Variants in P4HA1 observed in about 807,000 individuals in gnomAD.
The protein encoded by P4HA1 is prolyl 4-hydroxylase subunit alpha 1, also known as prolyl 4-hydroxylase subunit alpha-1.
A neutral mutation model predicts 72.8 loss-of-function variants in P4HA1; 24 were observed. The ratio of observed to expected loss-of-function variants is 0.33; its 90% CI spans 0.24 to 0.46. The LOEUF (loss-of-function observed/expected upper bound fraction) is 0.46. Ranked by LOEUF, P4HA1 falls within the 20% of genes least tolerant of loss-of-function variation. The pLI is 1.00. For synonymous variants in P4HA1, 201 were observed against 218.8 expected, an observed-to-expected ratio of 0.92 and a Z score of 0.72; for missense variants, 446 against 640.6, an observed-to-expected ratio of 0.70 and a Z score of 3.28.
intron 10 of P4HA1, among the ~76,000 whole-genome samples, chr10:73,025,111 G>A (rs1388637845): frequency 6.6e-6 from 1 of 152,118 alleles, no homozygotes; most frequent in Non-Finnish European, 1.5e-5. Flanking sequence ...GAAAAAGAGG[G>A]AATCCTCCCT....
chr10:73,065,766 AAAAAG>A (rs2133120809), intron 5 of P4HA1, among the ~76,000 whole-genome samples: 1 of 152,326 alleles, frequency 6.6e-6, no homozygotes, highest in African/African-American at 2.4e-5. Context: ...ACATGGCCAC[AAAAAG>A]AAATCAACAA....
intron 3 of P4HA1, among the ~76,000 whole-genome samples, chr10:73,072,392 T>C (rs983450989): frequency 6.6e-6 from 1 of 152,206 alleles, no homozygotes; most frequent in African/African-American, 2.4e-5. Flanking sequence ...TGTTTTAATT[T>C]TGTTTCTCCC....
At chr10:73,059,255 A>G (rs950056214) in intron 5 of P4HA1, among the ~76,000 whole-genome samples, 1 of 151,756 alleles carries the variant, frequency 6.6e-6, no homozygotes, top group Non-Finnish European at 1.5e-5. Context: ...TTATTAGTCT[A>G]GTTTGGACTG....
intron 9 of P4HA1, among the ~76,000 whole-genome samples, chr10:73,043,109 A>G (rs1002029618): frequency 6.6e-6 from 1 of 152,208 alleles, no homozygotes; most frequent in Non-Finnish European, 1.5e-5. Flanking sequence ...GATTGTTACT[A>G]TAATTATTAT....
At chr10:73,025,551 A>G (rs1042149097) in intron 10 of P4HA1, among the ~76,000 whole-genome samples, 12 of 152,126 alleles carry the variant, frequency 7.9e-5, no homozygotes, top group African/African-American at 2.7e-4. Context: ...GAAATCCGGC[A>G]CAAGACAAGG....
At chr10:73,014,430 A>T in intron 11 of P4HA1, 141 bp from the exon 12 acceptor site, 1 of 629,930 alleles carries the variant, frequency 1.6e-6, no homozygotes, top group Non-Finnish European at 2.8e-6. Flanking sequence ...TGTCCAGTGC[A>T]CTATAAACAT....
intron 9 of P4HA1, among the ~76,000 whole-genome samples, chr10:73,039,039 T>C (rs1175167258): frequency 6.6e-6 from 1 of 152,192 alleles, no homozygotes; most frequent in Non-Finnish European, 1.5e-5. Context: ...GCGCCTGTAA[T>C]ACCAATACTC....
Position 73,058,090 on chromosome 10 carries a change from G to GAA in P4HA1, c.464-4502_464-4501dup, listed in dbSNP as rs869244017. On this transcript the variant is annotated intron_variant, in intron 5 of 14. Coordinates refer to ENST00000394890, the MANE Select transcript of P4HA1 (RefSeq NM_001017962.3). ...GGGTGACAGAGCAAGACTCCGTCCA[G>GAA]AAAAAAAAAAAAAAAAAAAAAAAAA... Among the ~76,000 whole-genome samples, 28 of 23,074 alleles carry GAA rather than the reference G, an allele frequency of 1.2e-3. 2 individuals carry two copies. Among genetic ancestry groups the GAA allele is most frequent in the African/African-American group, 3.2e-3 (22 of 6,934 alleles). The allele number at this position is 23,074 out of a possible 152,430, so 15.1% of individuals were successfully genotyped here.
intron 3 of P4HA1, among the ~76,000 whole-genome samples, chr10:73,072,474 A>G (rs1460793016): frequency 6.6e-6 from 1 of 152,204 alleles, no homozygotes; most frequent in Non-Finnish European, 1.5e-5. Context: ...TAAAAGTCTA[A>G]AAATTTTAGA....
intron 3 of P4HA1, 68 bp downstream of exon 3, chr10:73,073,663 A>G (rs1355724352): frequency 3.7e-6 from 3 of 811,976 alleles, no homozygotes; most frequent in Non-Finnish European, 6.5e-6. Context: ...TACTTAAAGA[A>G]TATTTTAGCT....
chr10:73,043,342 A>G (rs1840780827), intron 9 of P4HA1, among the ~76,000 whole-genome samples: 2 of 152,240 alleles, frequency 1.3e-5, no homozygotes, highest in South Asian at 4.1e-4. Context: ...GTAGATGGAA[A>G]AGGAGTTCTA....
At position 73,057,967 on chromosome 10, in the gene P4HA1, T is replaced by C. The variant is rs1011270148; in HGVS notation, c.464-4377A>G. Among the ~76,000 whole-genome samples, 6 of 151,744 alleles carry C rather than the reference T, an allele frequency of 4.0e-5. No individual in the cohort carries two copies. The East Asian group carries it at 1.2e-3, about 30-fold the overall frequency. ...TTAGCCGGGCATGGTAGCACACGCC[T>C]GTAATTCCAACTACTGGGGAGGCTG... On this transcript the variant is annotated intron_variant, in intron 5 of 14. Transcript: ENST00000394890.
At chr10:73,096,603 G>C (rs1206893763) in intron 1 of P4HA1, among the ~76,000 whole-genome samples, 163 bp downstream of exon 1, 4 of 152,166 alleles carry the variant, frequency 2.6e-5, no homozygotes, top group Non-Finnish European at 4.4e-5. Context: ...AGGGAGAGGG[G>C]CCGAGTCTCC....
chr10:73,042,122 G>T (rs1840749423), intron 9 of P4HA1, among the ~76,000 whole-genome samples: 1 of 152,060 alleles, frequency 6.6e-6, no homozygotes, highest in South Asian at 2.1e-4. Context: ...AAATTTGTAT[G>T]ATTTTCTCTT....
intron 5 of P4HA1, among the ~76,000 whole-genome samples, chr10:73,054,029 G>T (rs567131774): frequency 6.6e-6 from 1 of 151,826 alleles, no homozygotes; most frequent in East Asian, 1.9e-4. Flanking sequence ...TGATTCTCCT[G>T]TCTCAGCCTC....
chr10:73,034,113 C>G (rs1183730097), intron 9 of P4HA1, among the ~76,000 whole-genome samples: 1 of 152,014 alleles, frequency 6.6e-6, no homozygotes, highest in Non-Finnish European at 1.5e-5. Context: ...ACTCATAAGG[C>G]TGAAGCGGAA....
intron 10 of P4HA1, among the ~76,000 whole-genome samples, chr10:73,025,352 C>T (rs1840241079): frequency 6.6e-6 from 1 of 152,126 alleles, no homozygotes; most frequent in African/African-American, 2.4e-5. Flanking sequence ...ATAAACAGAA[C>T]CAATGACAAA....
chr10:73,012,417 G>A (rs1839925702), intron 12 of P4HA1, among the ~76,000 whole-genome samples: 1 of 152,164 alleles, frequency 6.6e-6, no homozygotes, highest in Non-Finnish European at 1.5e-5. Context: ...TAGAAAATAT[G>A]CAAGCCTTTG....
rs528335041 is a variant in P4HA1, at chr10:73,050,551, T to C, written c.900+502A>G. ...CCCATCTCTACTAAAAATACAAAAATTAGCCGGGTATGGTGGCGGGCACCT... is the reference window on the plus strand; with the variant it reads ...CCCATCTCTACTAAAAATACAAAAACTAGCCGGGTATGGTGGCGGGCACCT... On this transcript the variant is annotated intron_variant, in intron 7 of 14. Transcript: ENST00000394890. Among the ~76,000 whole-genome samples the C allele has an allele frequency of 1.5e-4, 23 of 151,682 alleles. No individual in the cohort carries two copies. In the South Asian group the frequency reaches 4.8e-3, roughly 32 times the overall value.
Sources: allele counts gnomAD v4.1 joint callset (sites outside exome capture counted in the v4.1 genomes callset), GRCh38; gene constraint gnomAD v4.1.1; transcripts MANE v1.5; gene names NCBI Gene and HGNC (gene_info 2026-07-23, HGNC 2026-07-21).